Variants in CACNA2D3 observed in about 807,000 individuals in gnomAD.
CACNA2D3 encodes the protein calcium voltage-gated channel auxiliary subunit alpha2delta 3.
A neutral mutation model predicts 160.6 loss-of-function variants in CACNA2D3; 60 were observed. That is an observed-to-expected ratio of 0.37 (90% CI 0.30 to 0.46). CACNA2D3 has a LOEUF of 0.46. CACNA2D3 is among the 20% of genes least tolerant of loss of function. The probability of loss-of-function intolerance (pLI) is 1.00; values close to 1 mark genes in which losing one functional copy is unlikely to be tolerated. For synonymous variants in CACNA2D3, 558 were observed against 492.9 expected, an observed-to-expected ratio of 1.13 and a Z score of -1.75; for missense variants, 1,205 against 1,365.0, an observed-to-expected ratio of 0.88 and a Z score of 1.85.
chr3:54,183,656 G>A (rs1374922869), intron 2 of CACNA2D3, among the ~76,000 whole-genome samples: 3 of 151,726 alleles, frequency 2.0e-5, no homozygotes, highest in Non-Finnish European at 2.9e-5. Flanking sequence ...AGGCTGAGGC[G>A]GGTGGATCAC....
At chr3:54,618,374 T>TATATATATTCAC in intron 9 of CACNA2D3, among the ~76,000 whole-genome samples, 2 of 54,580 alleles carry the variant, frequency 3.7e-5, no homozygotes, top group Admixed American at 2.2e-4. Flanking sequence ...TATATATATA[T>TATATATATTCAC]GCACACACAC....
intron 9 of CACNA2D3, among the ~76,000 whole-genome samples, chr3:54,626,959 C>CA (rs1699131233): frequency 6.6e-6 from 1 of 152,190 alleles, no homozygotes; most frequent in Non-Finnish European, 1.5e-5. Flanking sequence ...TGAGCTTCTG[C>CA]AGAGCCAGAA....
intron 14 of CACNA2D3, among the ~76,000 whole-genome samples, chr3:54,818,440 A>C (rs1703511156): frequency 1.3e-5 from 2 of 152,230 alleles, no homozygotes; most frequent in Admixed American, 1.3e-4. Flanking sequence ...CTCGGCCTCA[A>C]AATGCTGGGA....
intron 9 of CACNA2D3, among the ~76,000 whole-genome samples, chr3:54,622,429 C>G (rs1699008652): frequency 6.6e-6 from 1 of 152,154 alleles, no homozygotes; most frequent in African/African-American, 2.4e-5. Flanking sequence ...GCGCCCGCCA[C>G]CACGTCTGGC....
chr3:54,821,641 GTTCTTTCTTTCTTTCT>G (rs1181056443), intron 14 of CACNA2D3, among the ~76,000 whole-genome samples: 6,879 of 107,888 alleles, frequency 0.064, 260 homozygotes, highest in Middle Eastern at 0.19. Context: ...AGAGTCTTTC[GTTCTTTCTTTCTTTCT>G]TTCTTTCTTT....
chr3:54,816,806 A>G (rs1703468214), intron 13 of CACNA2D3, 47 bp from the exon 14 acceptor site: 1 of 1,605,368 alleles, frequency 6.2e-7, no homozygotes, highest in South Asian at 1.1e-5. Flanking sequence ...TACTTATATA[A>G]TGATCAACTT....
intron 2 of CACNA2D3, among the ~76,000 whole-genome samples, chr3:54,138,959 G>A (rs921477878): frequency 6.6e-6 from 1 of 152,220 alleles, no homozygotes; most frequent in African/African-American, 2.4e-5. Context: ...TGGGCAGGAT[G>A]TGGTTGGACC....
intron 23 of CACNA2D3, among the ~76,000 whole-genome samples, chr3:54,886,777 A>G (rs1699935750): frequency 6.6e-6 from 1 of 151,948 alleles, no homozygotes; most frequent in Non-Finnish European, 1.5e-5. Flanking sequence ...TATATGTACT[A>G]CAACTTGTGT....
At chr3:54,924,528 T>C in intron 27 of CACNA2D3, 2 of 1,084,394 alleles carry the variant, frequency 1.8e-6, no homozygotes, top group Non-Finnish European at 1.3e-6. Context: ...CCTTACACAC[T>C]CCTCCACATT....
Position 55,073,673 on chromosome 3 carries a change from GGAGA to G in CACNA2D3, c.3101-96_3101-93del, listed in dbSNP as rs997509143. The G allele has an allele frequency of 7.0e-5, 87 of 1,236,754 alleles. No individual in the cohort carries two copies. The African/African-American group carries it at 1.2e-3, about 17-fold the overall frequency. The allele number at this position is 1,236,754 out of a possible 1,614,324, so 76.6% of individuals were successfully genotyped here. Reference sequence around the variant, plus strand: ...GGAAAATTACATCCTTTCCACTGTTGGAGAGAGAGAGTAGTTAAGAGAGTTGTCA... The same window carrying G: ...GGAAAATTACATCCTTTCCACTGTTGGAGAGAGTAGTTAAGAGAGTTGTCA... On this transcript the variant is annotated intron_variant, in intron 36 of 37. Transcript: ENST00000474759.
intron 13 of CACNA2D3, among the ~76,000 whole-genome samples, chr3:54,789,007 AAAT>A (rs993280421): frequency 1.3e-5 from 2 of 152,218 alleles, no homozygotes; most frequent in African/African-American, 4.8e-5. Context: ...GAGCGGCCAA[AAAT>A]AATGATAAAA....
Position 54,570,215 on chromosome 3 carries a change from A to G in CACNA2D3, c.888+111A>G, listed in dbSNP as rs1702472156. On this transcript the variant is annotated intron_variant, in intron 8 of 37. Coordinates refer to ENST00000474759, the MANE Select transcript of CACNA2D3 (RefSeq NM_018398.3). ...ATCCAGAGCATCTAGATGCCAGAACATGAGGCCTGGTTAGTCTCATGAAAG... is the reference window on the plus strand; with the variant it reads ...ATCCAGAGCATCTAGATGCCAGAACGTGAGGCCTGGTTAGTCTCATGAAAG... The G allele has an allele frequency of 9.0e-7, 1 of 1,113,208 alleles. No homozygotes were observed. Among genetic ancestry groups the G allele is most frequent in the South Asian group, 1.4e-5 (1 of 69,582 alleles). 69.0% of individuals were successfully genotyped at this position (1,113,208 alleles called of 1,614,324 possible). A position where few individuals can be genotyped will look rare whatever the true frequency, so the allele number is the denominator to read the frequency against.
intron 4 of CACNA2D3, among the ~76,000 whole-genome samples, chr3:54,481,471 C>G (rs2106900332): frequency 6.6e-6 from 1 of 152,342 alleles, no homozygotes; most frequent in Non-Finnish European, 1.5e-5. Flanking sequence ...AGTGACCTGG[C>G]TTCCGTGGCT....
chr3:54,980,577 T>C (rs1702485252), intron 29 of CACNA2D3, among the ~76,000 whole-genome samples: 1 of 152,220 alleles, frequency 6.6e-6, no homozygotes, highest in Admixed American at 6.5e-5. Flanking sequence ...GTGTTAACTC[T>C]TAGCAACTTT....
chr3:54,974,679 A>C (rs1460343614), intron 29 of CACNA2D3, among the ~76,000 whole-genome samples: 1 of 152,162 alleles, frequency 6.6e-6, no homozygotes, highest in Admixed American at 6.5e-5. Context: ...TTAAAACATC[A>C]ACTTCCCTCT....
At chr3:54,461,664 T>C (rs996504429) in intron 4 of CACNA2D3, among the ~76,000 whole-genome samples, 5 of 151,708 alleles carry the variant, frequency 3.3e-5, no homozygotes, top group African/African-American at 1.2e-4. Flanking sequence ...GATTCTTCTC[T>C]CTTTTTTTCT....
At chr3:54,968,199 G>A (rs1702192945) in intron 27 of CACNA2D3, among the ~76,000 whole-genome samples, 1 of 152,022 alleles carries the variant, frequency 6.6e-6, no homozygotes, top group Admixed American at 6.5e-5. Context: ...TTTTAGAAAT[G>A]CCGAAGTAAC....
At chr3:54,854,944 G>A (rs762313503) in intron 17 of CACNA2D3, among the ~76,000 whole-genome samples, 3 of 152,118 alleles carry the variant, frequency 2.0e-5, no homozygotes, top group Non-Finnish European at 4.4e-5. Flanking sequence ...TGCCAGCAAG[G>A]AACCCCTGCT....
intron 9 of CACNA2D3, among the ~76,000 whole-genome samples, chr3:54,604,507 C>T (rs1703127628): frequency 6.6e-6 from 1 of 152,170 alleles, no homozygotes; most frequent in Non-Finnish European, 1.5e-5. Context: ...TAGTCTTCCT[C>T]ATCTCAGCAA....
Sources: gnomAD v4.1 joint callset for allele counts (sites outside exome capture counted in the v4.1 genomes callset) on GRCh38, gnomAD v4.1.1 for gene constraint, MANE v1.5 for transcripts, NCBI Gene and HGNC (gene_info 2026-07-23, HGNC 2026-07-21) for gene names.